Variants in GABRB2 observed in about 807,000 individuals in gnomAD.
GABRB2 encodes the protein gamma-aminobutyric acid receptor subunit beta-2.
In GABRB2, 16 loss-of-function variants were observed where a neutral mutation model predicts 54.7. That is an observed-to-expected ratio of 0.29 (90% CI 0.20 to 0.44). GABRB2 has a LOEUF of 0.44. GABRB2 is among the 20% of genes least tolerant of loss of function. GABRB2 has a pLI of 1.00. For synonymous variants in GABRB2, 244 were observed against 233.8 expected, an observed-to-expected ratio of 1.04 and a Z score of -0.40; for missense variants, 355 against 644.0, an observed-to-expected ratio of 0.55 and a Z score of 4.86.
At chr5:161,380,001 A>C (rs1165831337) in intron 5 of GABRB2, among the ~76,000 whole-genome samples, 1 of 152,158 alleles carries the variant, frequency 6.6e-6, no homozygotes, top group African/African-American at 2.4e-5. Flanking sequence ...TGCCAACTTT[A>C]CAGAGTTTAC....
intron 3 of GABRB2, among the ~76,000 whole-genome samples, chr5:161,464,924 G>A (rs1419997762): frequency 6.6e-6 from 1 of 152,112 alleles, no homozygotes; most frequent in Non-Finnish European, 1.5e-5. Context: ...GCAAGCATGA[G>A]AGACTGATTT....
chr5:161,406,033 C>A (rs989556286), intron 5 of GABRB2, among the ~76,000 whole-genome samples: 1 of 152,008 alleles, frequency 6.6e-6, no homozygotes, highest in Admixed American at 6.6e-5. Context: ...GATGCTTGTA[C>A]CAAAACACTC....
intron 4 of GABRB2, among the ~76,000 whole-genome samples, chr5:161,452,621 A>G (rs1757821055): frequency 6.6e-6 from 1 of 152,198 alleles, no homozygotes; most frequent in Non-Finnish European, 1.5e-5. Context: ...GGCTCAACAG[A>G]AGCACAAACC....
chr5:161,305,523 A>G (rs1289830105), intron 9 of GABRB2, among the ~76,000 whole-genome samples: 4 of 152,178 alleles, frequency 2.6e-5, no homozygotes, highest in African/African-American at 9.7e-5. Context: ...AACACCTGTG[A>G]GCTTACATCC....
chr5:161,388,649 C>G (rs1175969837), intron 5 of GABRB2, among the ~76,000 whole-genome samples: 1 of 151,880 alleles, frequency 6.6e-6, no homozygotes, highest in African/African-American at 2.4e-5. Flanking sequence ...ATTCTTAATG[C>G]ACTTAATAAT....
chr5:161,491,071 A>T (rs1377404751), intron 3 of GABRB2, among the ~76,000 whole-genome samples: 1 of 151,702 alleles, frequency 6.6e-6, no homozygotes, highest in Non-Finnish European at 1.5e-5. Context: ...TTATAAAATT[A>T]AACTAATACT....
chr5:161,423,553 G>C (rs1232538063), intron 4 of GABRB2, among the ~76,000 whole-genome samples: 1 of 152,024 alleles, frequency 6.6e-6, no homozygotes. Flanking sequence ...TATTGTAATT[G>C]TTTTGGGGAG....
chr5:161,435,229 T>C (rs977574655), intron 4 of GABRB2, among the ~76,000 whole-genome samples: 1 of 152,136 alleles, frequency 6.6e-6, no homozygotes, highest in Non-Finnish European at 1.5e-5. Flanking sequence ...AACATTAAAA[T>C]AGTAAAAAGT....
intron 5 of GABRB2, among the ~76,000 whole-genome samples, chr5:161,342,803 A>T (rs1754210970): frequency 6.6e-6 from 1 of 152,094 alleles, no homozygotes; most frequent in African/African-American, 2.4e-5. Flanking sequence ...CCCTCCAAAA[A>T]TGTTTCCAGG....
intron 5 of GABRB2, among the ~76,000 whole-genome samples, chr5:161,341,239 A>G (rs1329446626): frequency 6.6e-6 from 1 of 152,008 alleles, no homozygotes; most frequent in Admixed American, 6.6e-5. Flanking sequence ...AAAAACTAAA[A>G]GAAAACATAT....
chr5:161,526,177 C>A (rs779896087), intron 3 of GABRB2, among the ~76,000 whole-genome samples: 1 of 151,414 alleles, frequency 6.6e-6, no homozygotes, highest in Non-Finnish European at 1.5e-5. Context: ...CACAACTAAA[C>A]CATTCTTAGC....
At chr5:161,295,166 G>A (rs1757348377) in intron 9 of GABRB2, among the ~76,000 whole-genome samples, 2 of 152,204 alleles carry the variant, frequency 1.3e-5, no homozygotes, top group Non-Finnish European at 2.9e-5. Context: ...AGAGGAAAGG[G>A]AAGAGGGTAG....
chr5:161,485,619 C>T (rs561820415), intron 3 of GABRB2, among the ~76,000 whole-genome samples: 36 of 152,020 alleles, frequency 2.4e-4, no homozygotes, highest in African/African-American at 7.2e-4. Context: ...TAATTCCCTT[C>T]GAAAATCAGC....
At chr5:161,546,752 A>G (rs932254446), upstream of GABRB2, 6 of 1,518,354 alleles carry the variant, frequency 4.0e-6, no homozygotes, top group Non-Finnish European at 5.3e-6. Context: ...GCGTACCAAA[A>G]CATCAAAGGG....
At chr5:161,462,312 G>A (rs1335248466) in intron 3 of GABRB2, among the ~76,000 whole-genome samples, 1 of 152,062 alleles carries the variant, frequency 6.6e-6, no homozygotes, top group Non-Finnish European at 1.5e-5. Context: ...GAAGCAAGAT[G>A]AACATTCATG....
chr5:161,419,113 C>T (rs559150600), intron 4 of GABRB2, among the ~76,000 whole-genome samples: 17 of 151,986 alleles, frequency 1.1e-4, no homozygotes, highest in African/African-American at 4.1e-4. Flanking sequence ...GGTGACAGAG[C>T]GAGACCCTGT....
intron 5 of GABRB2, among the ~76,000 whole-genome samples, chr5:161,356,047 A>G (rs1355029099): frequency 6.6e-6 from 1 of 152,132 alleles, no homozygotes; most frequent in Admixed American, 6.6e-5. Flanking sequence ...GTTTTAGGAA[A>G]TAAAAGGAGC....
chr5:161,528,216 T>A (rs550627546), intron 3 of GABRB2, among the ~76,000 whole-genome samples: 41 of 151,912 alleles, frequency 2.7e-4, no homozygotes, highest in Non-Finnish European at 2.8e-4. Context: ...TTTTATTTCA[T>A]GTGCATTCAT....
chr5:161,510,194 T>C (rs1002414503), intron 3 of GABRB2, among the ~76,000 whole-genome samples: 2 of 151,868 alleles, frequency 1.3e-5, no homozygotes, highest in Non-Finnish European at 2.9e-5. Context: ...TTACTCATTG[T>C]GCTATCAAAT....
Sources: allele counts gnomAD v4.1 joint callset (sites outside exome capture counted in the v4.1 genomes callset), GRCh38; gene constraint gnomAD v4.1.1; transcripts MANE v1.5; gene names NCBI Gene and HGNC (gene_info 2026-07-23, HGNC 2026-07-21).